Variants in ZMYM2 observed in about 807,000 individuals in gnomAD.
ZMYM2 encodes the protein zinc finger MYM-type containing 2, also known as zinc finger MYM-type protein 2.
Under a neutral mutation model 162.8 loss-of-function variants are expected in ZMYM2, and 56 were observed. That is an observed-to-expected ratio of 0.34 (90% CI 0.28 to 0.43). The LOEUF (loss-of-function observed/expected upper bound fraction) is 0.43, where lower values mean the gene tolerates loss of function less well. Ranked by LOEUF, ZMYM2 falls within the 20% of genes least tolerant of loss-of-function variation. ZMYM2 has a pLI of 1.00. For missense variants in ZMYM2, 1,275 were observed against 1,621.8 expected (o/e 0.79, Z 3.67); for synonymous variants, 510 against 541.6 (o/e 0.94, Z 0.81).
At chr13:20,066,189 CAAAT>C (rs1416986057) in intron 19 of ZMYM2, among the ~76,000 whole-genome samples, 1 of 152,136 alleles carries the variant, frequency 6.6e-6, no homozygotes, top group African/African-American at 2.4e-5. Flanking sequence ...ACACATTAAA[CAAAT>C]AACTATATTT....
At chr13:20,003,182 T>C (rs1321270873) in intron 4 of ZMYM2, 47 bp downstream of exon 4, 3 of 1,543,504 alleles carry the variant, frequency 1.9e-6, no homozygotes, top group Middle Eastern at 1.7e-4. Flanking sequence ...AATTTTGGAG[T>C]TGTAAAATTT....
At chr13:19,953,773 T>C (rs1242423970), upstream of ZMYM2, among the ~76,000 whole-genome samples, 2 of 151,964 alleles carry the variant, frequency 1.3e-5, no homozygotes, top group African/African-American at 2.4e-5. Context: ...TTCCAGCTGA[T>C]TTAGAACTTA....
chr13:19,891,022 A>G, the ZMYM2 span, among the ~76,000 whole-genome samples: 1 of 151,962 alleles, frequency 6.6e-6, no homozygotes, highest in Non-Finnish European at 1.5e-5. Flanking sequence ...TGAATTGTAG[A>G]AAACATGATG....
At chr13:19,980,046 A>G (rs1331418704) in intron 2 of ZMYM2, among the ~76,000 whole-genome samples, 1 of 152,080 alleles carries the variant, frequency 6.6e-6, no homozygotes, top group Non-Finnish European at 1.5e-5. Context: ...AGGATCTTGT[A>G]ACTTTAAAAT....
intron 21 of ZMYM2, 114 bp downstream of exon 21, chr13:20,067,504 A>G (rs1457441199): frequency 9.1e-7 from 1 of 1,103,720 alleles, no homozygotes; most frequent in Non-Finnish European, 1.2e-6. Context: ...CACATCTACA[A>G]AGTTGTATGT....
At chr13:19,950,579 GTT>G in the ZMYM2 span, among the ~76,000 whole-genome samples, 34 of 152,158 alleles carry the variant, frequency 2.2e-4, no homozygotes, top group African/African-American at 8.0e-4. Context: ...CCTCATTTCT[GTT>G]TTCTTTAACT....
At position 20,036,650 on chromosome 13, in the gene ZMYM2, A is replaced by T. The variant is rs573798984; in HGVS notation, c.2120-87A>T. The T allele has an allele frequency of 9.5e-6, 11 of 1,151,854 alleles. No individual in the cohort carries two copies. In the South Asian group the frequency reaches 2.9e-4, roughly 30 times the overall value. 71.4% of individuals were successfully genotyped at this position (1,151,854 alleles called of 1,614,324 possible). On this transcript the variant is annotated intron_variant, in intron 11 of 24. Transcript: ENST00000610343. ...TTATAGTTTTGATCAGGAGAGGAAAAATCTTGACCAATTAAGATCTGTCTC... is the reference window on the plus strand; with the variant it reads ...TTATAGTTTTGATCAGGAGAGGAAATATCTTGACCAATTAAGATCTGTCTC...
At chr13:20,073,408 G>A (rs1307609417) in intron 21 of ZMYM2, among the ~76,000 whole-genome samples, 1 of 152,138 alleles carries the variant, frequency 6.6e-6, no homozygotes, top group African/African-American at 2.4e-5. Flanking sequence ...GTGGGATTGG[G>A]CCCATGGAGC....
At chr13:19,957,834 C>T (rs1467880567), upstream of ZMYM2, among the ~76,000 whole-genome samples, 3 of 152,220 alleles carry the variant, frequency 2.0e-5, no homozygotes, top group Non-Finnish European at 4.4e-5. Flanking sequence ...CTCCCTCCAT[C>T]TTGGTTGATG....
the ZMYM2 span, among the ~76,000 whole-genome samples, chr13:19,952,241 A>C: frequency 1.3e-5 from 2 of 152,122 alleles, no homozygotes; most frequent in Non-Finnish European, 2.9e-5. Flanking sequence ...TGGTGGCATG[A>C]GAGTTTGGTG....
chr13:20,001,591 A>C (rs1215787107), intron 3 of ZMYM2, among the ~76,000 whole-genome samples: 2 of 152,158 alleles, frequency 1.3e-5, no homozygotes, highest in African/African-American at 4.8e-5. Flanking sequence ...ACGTAAACTT[A>C]GTTGATAAAG....
At chr13:20,010,173 A>G (rs747281227) in intron 6 of ZMYM2, among the ~76,000 whole-genome samples, 1 of 152,090 alleles carries the variant, frequency 6.6e-6, no homozygotes, top group Non-Finnish European at 1.5e-5. Context: ...ACTAATGACA[A>G]TGAACAATTT....
intron 2 of ZMYM2, among the ~76,000 whole-genome samples, chr13:19,983,916 C>T (rs1374385548): frequency 6.6e-6 from 1 of 152,198 alleles, no homozygotes; most frequent in Non-Finnish European, 1.5e-5. Context: ...GCGTGAGCCA[C>T]TGTGCCTGGC....
chr13:20,085,696 A>G (rs1958217027), intron 24 of ZMYM2, 126 bp from the exon 25 acceptor site: 2 of 644,364 alleles, frequency 3.1e-6, no homozygotes, highest in Non-Finnish European at 5.1e-6. Context: ...AATAATGGAG[A>G]CAGTGGGGCA....
intron 7 of ZMYM2, chr13:20,025,938 A>G (rs1952544718): frequency 1.3e-5 from 2 of 152,182 alleles, no homozygotes; most frequent in Non-Finnish European, 2.9e-5. Context: ...AAACATCGTT[A>G]TTTGGCACAT....
the ZMYM2 span, among the ~76,000 whole-genome samples, chr13:19,908,150 TG>T: frequency 1.3e-5 from 2 of 150,764 alleles, no homozygotes; most frequent in Non-Finnish European, 3.0e-5. Context: ...TAGCCAGGTA[TG>T]GTGGTGCATG....
intron 6 of ZMYM2, among the ~76,000 whole-genome samples, chr13:20,011,017 T>A (rs758363803): frequency 2.0e-5 from 3 of 152,210 alleles, no homozygotes; most frequent in Non-Finnish European, 2.9e-5. Context: ...ATGTATAAAA[T>A]GTGGAATGTT....
At chr13:19,958,506 G>C (rs1485530304), upstream of ZMYM2, among the ~76,000 whole-genome samples, 1 of 151,974 alleles carries the variant, frequency 6.6e-6, no homozygotes, top group Non-Finnish European at 1.5e-5. Context: ...GCCAGGAGTC[G>C]AGGGCCGGCG....
the ZMYM2 span, among the ~76,000 whole-genome samples, chr13:19,950,811 T>C: frequency 6.6e-6 from 1 of 152,240 alleles, no homozygotes; most frequent in Admixed American, 6.5e-5. Flanking sequence ...TATTATTTTA[T>C]AAAATCATAG....
Sources: gnomAD v4.1 joint callset for allele counts (sites outside exome capture counted in the v4.1 genomes callset) on GRCh38, gnomAD v4.1.1 for gene constraint, MANE v1.5 for transcripts, NCBI Gene and HGNC (gene_info 2026-07-23, HGNC 2026-07-21) for gene names.